Variants in FOXC1 observed in about 807,000 individuals in gnomAD.
The protein encoded by FOXC1 is forkhead box C1, also known as forkhead box protein C1.
FOXC1 carries 5 observed loss-of-function variants against 8.1 expected under a neutral mutation model. The observed-to-expected ratio is 0.62, with a 90% confidence interval of 0.32 to 1.30. The LOEUF is 1.30. Among genes scored for constraint, FOXC1 ranks in the 50% most tolerant of loss-of-function variants. The pLI, the probability that FOXC1 is intolerant of heterozygous loss-of-function variation, is 0.05. For synonymous variants in FOXC1, 552 were observed against 417.2 expected, an observed-to-expected ratio of 1.32 and a Z score of -3.94; for missense variants, 942 against 858.0, an observed-to-expected ratio of 1.10 and a Z score of -1.22.
Position 1,611,942 on chromosome 6 carries a change from CCAG to C in FOXC1, c.1504_1506del (p.Gln502del), listed in dbSNP as rs1760993368. 1 of 1,586,664 alleles carries C rather than the reference CCAG, an allele frequency of 6.3e-7. No individual in the cohort carries two copies. The highest frequency in any genetic ancestry group is 2.3e-5 in the East Asian group (1 of 43,836). ...CGGCGGCGGCCGCAGGCTACCCGGGCCAGCAGCAGAACTTCCACTCGGTGCGGG... is the reference window on the plus strand; with the variant it reads ...CGGCGGCGGCCGCAGGCTACCCGGGCCAGCAGAACTTCCACTCGGTGCGGG... On this transcript the variant is annotated inframe_deletion, in exon 1 of 1. Transcript: ENST00000645831. The surrounding 1 kb of genome is among the most constrained non-coding windows in gnomAD (Gnocchi z 7.1).
At position 1,610,349 on chromosome 6, in the gene FOXC1, C is replaced by T; in HGVS notation, c.-97C>T. ...CGCAGCGGGCCGGCACCAGCTCGGC[C>T]GGGCCCGGACTCGGACTCGGCGGCC... On this transcript the variant is annotated 5_prime_UTR_variant, in exon 1 of 1. Coordinates refer to ENST00000645831, the MANE Select transcript of FOXC1 (RefSeq NM_001453.3). 1 of 658,982 alleles carries T rather than the reference C, an allele frequency of 1.5e-6. No homozygotes were observed. Among genetic ancestry groups the T allele is most frequent in the Non-Finnish European group, 1.9e-6 (1 of 534,804 alleles). 40.8% of individuals were successfully genotyped at this position (658,982 alleles called of 1,614,324 possible).
At position 1,612,125 on chromosome 6, in the gene FOXC1, AC is replaced by A. The variant is rs1395644292; in HGVS notation, c.*19del. On this transcript the variant is annotated 3_prime_UTR_variant, in exon 1 of 1. Transcript: ENST00000645831. ...AGTTTTGACACACCCTCAAAGCCGA[AC>A]TAAATCGAACCCCAAAGCAGGAAAA... The A allele has an allele frequency of 6.2e-7, 1 of 1,613,816 alleles. No individual in the cohort carries two copies. The highest frequency in any genetic ancestry group is 2.2e-5 in the East Asian group (1 of 44,898).
chr6:1,611,635 T>C lies in FOXC1; in HGVS notation c.1190T>C (p.Leu397Pro), dbSNP rs1762552065. Residue 397 changes from leucine to proline, a missense_variant, in exon 1 of 1, where the codon CTG becomes CCG. Coordinates refer to ENST00000645831, the MANE Select transcript of FOXC1 (RefSeq NM_001453.3). This position sits in a 1 kb window ranked among gnomAD's most constrained non-coding sequence, Gnocchi z 7.1. ...GGCGCCGGGACCTACCACTGCAACCTGCAAGCCATGAGCCTGTACGCGGCC... is the reference window on the plus strand; with the variant it reads ...GGCGCCGGGACCTACCACTGCAACCCGCAAGCCATGAGCCTGTACGCGGCC... The part of the protein sequence containing the change: ...AGGAGTYHCN[L>P]QAMSLYAAGE... 6.8e-6 allele frequency: 9 copies of C among 1,315,118 alleles called. No homozygotes were observed. The highest frequency in any genetic ancestry group is 1.6e-5 in the African/African-American group (1 of 61,426). The allele number at this position is 1,315,118 out of a possible 1,614,324, so 81.5% of individuals were successfully genotyped here. A position where few individuals can be genotyped will look rare whatever the true frequency, so the allele number is the denominator to read the frequency against.
rs376935827 is a variant in FOXC1, at chr6:1,611,024, G to T, written c.579G>T (p.Glu193Asp). 1.9e-6 allele frequency: 3 copies of T among 1,567,598 alleles called. No homozygotes were observed. The African/African-American group carries it at 4.1e-5, about 21-fold the overall frequency. ...KEEKDRLHLKEPPPPGRQPPP... is the reference protein window; with the variant it reads ...KEEKDRLHLKDPPPPGRQPPP... ...AGAAGGACAGGCTGCACCTCAAGGA[G>T]CCGCCCCCGCCCGGCCGCCAGCCCC... is the stretch of plus-strand genomic sequence containing the variant. Residue 193 changes from glutamate (E) to aspartate (D), a missense_variant, in exon 1 of 1, where the codon GAG (glutamate) becomes GAT (aspartate). Physicochemically the swap from Glu to Asp is conservative, Grantham distance 45 (BLOSUM62 2). Coordinates refer to ENST00000645831, the MANE Select transcript of FOXC1 (RefSeq NM_001453.3). This position sits in a 1 kb window ranked among gnomAD's most constrained non-coding sequence, Gnocchi z 7.1.
In FOXC1 at chr6:1,610,425, G is replaced by A; in HGVS notation, c.-21G>A. On this transcript the variant is annotated 5_prime_UTR_variant, in exon 1 of 1. Coordinates refer to ENST00000645831, the MANE Select transcript of FOXC1 (RefSeq NM_001453.3). ...AGGGTGGGGGGCGGCGGGCGGCGCGGGGCGGCGGCGAGCGGGGGCCATGCA... is the reference window on the plus strand; with the variant it reads ...AGGGTGGGGGGCGGCGGGCGGCGCGAGGCGGCGGCGAGCGGGGGCCATGCA... 7.9e-7 allele frequency: 1 copy of A among 1,262,802 alleles called. No homozygotes were observed. Among genetic ancestry groups the A allele is most frequent in the Non-Finnish European group, 1.0e-6 (1 of 1,000,768 alleles). The allele number at this position is 1,262,802 out of a possible 1,614,324, so 78.2% of individuals were successfully genotyped here. A position where few individuals can be genotyped will look rare whatever the true frequency, so the allele number is the denominator to read the frequency against.
chr6:1,611,770 C>T lies in FOXC1; in HGVS notation c.1325C>T (p.Ser442Leu). Residue 442 changes from serine (S) to leucine (L), a missense_variant, in exon 1 of 1, where the codon TCG (serine) becomes TTG (leucine). Physicochemically the swap from Ser to Leu is moderately radical, Grantham distance 145. Transcript: ENST00000645831. This position sits in a 1 kb window ranked among gnomAD's most constrained non-coding sequence, Gnocchi z 7.1. ...SLPPVTSSSSSSLSHGGGGGG... is the reference protein window; with the variant it reads ...SLPPVTSSSSLSLSHGGGGGG... ...CCTCCGGTCACCAGCAGCAGCTCGT[C>T]GTCCCTGAGTCACGGCGGCGGCGGC... 3 of 1,470,998 alleles carry T rather than the reference C, an allele frequency of 2.0e-6. No individual in the cohort carries two copies. Among genetic ancestry groups the T allele is most frequent in the South Asian group, 1.3e-5 (1 of 76,852 alleles). The allele number at this position is 1,470,998 out of a possible 1,614,324, so 91.1% of individuals were successfully genotyped here.
Position 1,611,739 on chromosome 6 carries a change from T to C in FOXC1, c.1294T>C (p.Ser432Pro). 1 of 1,467,944 alleles carries C rather than the reference T, an allele frequency of 6.8e-7. No homozygotes were observed. The highest frequency in any genetic ancestry group is 9.0e-7 in the Non-Finnish European group (1 of 1,117,024). The allele number at this position is 1,467,944 out of a possible 1,614,324, so 90.9% of individuals were successfully genotyped here. A position where few individuals can be genotyped will look rare whatever the true frequency, so the allele number is the denominator to read the frequency against. The change falls in exon 1 of 1, where the codon TCT becomes CCT. Residue 432 changes from serine to proline, a missense_variant. By Grantham distance (74) the Ser-to-Pro change is moderately conservative. Around this residue, in one of 4 missense-constraint regions of FOXC1, gnomAD observed 726 missense variants for 599.6 expected, o/e 1.21. Coordinates refer to ENST00000645831, the MANE Select transcript of FOXC1 (RefSeq NM_001453.3). This position sits in a 1 kb window ranked among gnomAD's most constrained non-coding sequence, Gnocchi z 7.1. ...SAVDDPLPDY[S>P]LPPVTSSSSS... ...CGTGGACGACCCCCTGCCCGACTACTCTCTGCCTCCGGTCACCAGCAGCAG... is the reference window on the plus strand; with the variant it reads ...CGTGGACGACCCCCTGCCCGACTACCCTCTGCCTCCGGTCACCAGCAGCAG...
Position 1,611,675 on chromosome 6 carries a change from C to T in FOXC1, c.1230C>T (p.Gly410=), listed in dbSNP as rs1176446421. 37 of 1,407,078 alleles carry T rather than the reference C, an allele frequency of 2.6e-5. No individual in the cohort carries two copies. In the African/African-American group the frequency reaches 4.1e-4, roughly 16 times the overall value. 87.2% of individuals were successfully genotyped at this position (1,407,078 alleles called of 1,614,324 possible). A position where few individuals can be genotyped will look rare whatever the true frequency, so the allele number is the denominator to read the frequency against. The part of the protein sequence containing the change: ...MSLYAAGERG[G]HLQGAPGGAG... The stretch of plus-strand genomic sequence containing the variant: ...TGTACGCGGCCGGCGAGCGCGGGGG[C>T]CACTTGCAGGGCGCGCCCGGGGGCG... Residue 410 remains glycine, a synonymous_variant, in exon 1 of 1, where the codon GGC becomes GGT. Transcript: ENST00000645831. The surrounding 1 kb of genome is among the most constrained non-coding windows in gnomAD (Gnocchi z 7.1).
chr6:1,612,281 C>T lies in FOXC1; in HGVS notation c.*174C>T. On this transcript the variant is annotated 3_prime_UTR_variant, in exon 1 of 1. Transcript: ENST00000645831. The stretch of plus-strand genomic sequence containing the variant: ...AAAATTCAGCTCACCAGCACCAGCA[C>T]GAAGAAAACTCTATTTTCTTAACCG... The T allele has an allele frequency of 3.2e-6, 3 of 941,924 alleles. No homozygotes were observed. Among genetic ancestry groups the T allele is most frequent in the Non-Finnish European group, 4.8e-6 (3 of 624,028 alleles). 58.3% of individuals were successfully genotyped at this position (941,924 alleles called of 1,614,324 possible).
Position 1,612,491 on chromosome 6 carries a change from C to T in FOXC1, c.*384C>T. The T allele has an allele frequency of 2.5e-6, 1 of 402,868 alleles. No homozygotes were observed. Among genetic ancestry groups the T allele is most frequent in the East Asian group, 4.5e-5 (1 of 22,438 alleles). The allele number at this position is 402,868 out of a possible 1,614,324, so 25.0% of individuals were successfully genotyped here. A position where few individuals can be genotyped will look rare whatever the true frequency, so the allele number is the denominator to read the frequency against. ...CCGTCTCCCCTCTCTTGCCTTCTTC[C>T]TTGCCTCTCACCTGTAAGATATTAT... On this transcript the variant is annotated 3_prime_UTR_variant, in exon 1 of 1. Coordinates refer to ENST00000645831, the MANE Select transcript of FOXC1 (RefSeq NM_001453.3).
rs1404978886 is a variant in FOXC1, at chr6:1,610,025, C to CG, written c.-421_-420insG. On this transcript the variant is annotated 5_prime_UTR_variant, in exon 1 of 1. Transcript: ENST00000645831. ...GGCGGCCGGCGCGCGGCCCCCCCCC[C>CG]CCCCGCCCTGGTTATTTGGCCGCCT... 2 of 114,790 alleles carry CG rather than the reference C, an allele frequency of 1.7e-5. No homozygotes were observed. The highest frequency in any genetic ancestry group is 6.1e-5 in the African/African-American group (2 of 33,032). The allele number at this position is 114,790 out of a possible 1,614,324, so 7.1% of individuals were successfully genotyped here. A position where few individuals can be genotyped will look rare whatever the true frequency, so the allele number is the denominator to read the frequency against.
rs1208477626 is a variant in FOXC1 at position 1,611,458 on chromosome 6, C to G, written c.1013C>G (p.Ala338Gly). The change falls in exon 1 of 1, where the codon GCG becomes GGG. Residue 338 changes from alanine to glycine, a missense_variant. Physicochemically the swap from Ala to Gly is moderately conservative, Grantham distance 60. Coordinates refer to ENST00000645831, the MANE Select transcript of FOXC1 (RefSeq NM_001453.3). The surrounding 1 kb of genome is among the most constrained non-coding windows in gnomAD (Gnocchi z 7.1). Reference sequence around the variant, plus strand: ...TCCGGCCTTCTGGCCTCGGCGGCCGCGTCCTCGCGCGCGGGGATCGCACCC... The same window carrying G: ...TCCGGCCTTCTGGCCTCGGCGGCCGGGTCCTCGCGCGCGGGGATCGCACCC... Reference protein sequence around the residue: ...LSSGLLASAAASSRAGIAPPL... With the variant: ...LSSGLLASAAGSSRAGIAPPL... 3 of 1,384,786 alleles carry G rather than the reference C, an allele frequency of 2.2e-6. No homozygotes were observed. Among genetic ancestry groups the G allele is most frequent in the Non-Finnish European group, 1.9e-6 (2 of 1,068,028 alleles). The allele number at this position is 1,384,786 out of a possible 1,614,324, so 85.8% of individuals were successfully genotyped here.
In FOXC1 at chr6:1,610,374, C is replaced by T; in HGVS notation, c.-72C>T. The T allele has an allele frequency of 1.1e-6, 1 of 873,568 alleles. No homozygotes were observed. Among genetic ancestry groups the T allele is most frequent in the Non-Finnish European group, 1.4e-6 (1 of 729,548 alleles). 54.1% of individuals were successfully genotyped at this position (873,568 alleles called of 1,614,324 possible). A position where few individuals can be genotyped will look rare whatever the true frequency, so the allele number is the denominator to read the frequency against. On this transcript the variant is annotated 5_prime_UTR_variant, in exon 1 of 1. Coordinates refer to ENST00000645831, the MANE Select transcript of FOXC1 (RefSeq NM_001453.3). Reference sequence around the variant, plus strand: ...CGGGCCCGGACTCGGACTCGGCGGCCGGCGCGGCGCGGCCCGGCCCGAGCG... The same window carrying T: ...CGGGCCCGGACTCGGACTCGGCGGCTGGCGCGGCGCGGCCCGGCCCGAGCG...
At position 1,610,627 on chromosome 6, in the gene FOXC1, C is replaced by T. The variant is rs751162614; in HGVS notation, c.182C>T (p.Ala61Val). The T allele has an allele frequency of 5.0e-6, 8 of 1,611,952 alleles. No homozygotes were observed. In the Admixed American group the frequency reaches 6.7e-5, roughly 13 times the overall value. Residue 61 changes from alanine (A) to valine (V), a missense_variant, in exon 1 of 1, where the codon GCC becomes GTC. Physicochemically the swap from Ala to Val is moderately conservative, Grantham distance 64. Transcript: ENST00000645831. ...AHAEQYPGGM[A>V]RAYGPYTPQP... Reference sequence around the variant, plus strand: ...GCCGAGCAGTACCCGGGCGGCATGGCCCGCGCCTACGGGCCCTACACGCCG... The same window carrying T: ...GCCGAGCAGTACCCGGGCGGCATGGTCCGCGCCTACGGGCCCTACACGCCG...
At position 1,612,247 on chromosome 6, in the gene FOXC1, ATCCC is replaced by A; in HGVS notation, c.*144_*147del. 1 of 1,339,522 alleles carries A rather than the reference ATCCC, an allele frequency of 7.5e-7. No homozygotes were observed. Among genetic ancestry groups the A allele is most frequent in the Non-Finnish European group, 1.0e-6 (1 of 976,710 alleles). 83.0% of individuals were successfully genotyped at this position (1,339,522 alleles called of 1,614,324 possible). On this transcript the variant is annotated 3_prime_UTR_variant, in exon 1 of 1. Coordinates refer to ENST00000645831, the MANE Select transcript of FOXC1 (RefSeq NM_001453.3). ...TATTCACCACACCAGCGAACAGAAT[ATCCC>A]TCCAAAAATTCAGCTCACCAGCACC...
Position 1,611,344 on chromosome 6 carries a change from C to T in FOXC1, c.899C>T (p.Pro300Leu). 1.4e-6 allele frequency: 2 copies of T among 1,422,908 alleles called. No individual in the cohort carries two copies. Among genetic ancestry groups the T allele is most frequent in the Non-Finnish European group, 1.8e-6 (2 of 1,087,022 alleles). The allele number at this position is 1,422,908 out of a possible 1,614,324, so 88.1% of individuals were successfully genotyped here. The change falls in exon 1 of 1, where the codon CCG (proline) becomes CTG (leucine). Residue 300 changes from proline to leucine, a missense_variant. This residue lies in a region of FOXC1 where 726 missense variants were observed against 599.6 expected (regional missense o/e 1.21). Transcript: ENST00000645831. This position sits in a 1 kb window ranked among gnomAD's most constrained non-coding sequence, Gnocchi z 7.1. ...SAPPPPAPSA[P>L]PPHHSQGFSV... ...CCGCCGCCGCCCGCGCCCTCCGCCC[C>T]GCCGCCGCACCATAGCCAGGGCTTC... is the stretch of plus-strand genomic sequence containing the variant.
In FOXC1 at chr6:1,611,934, T is replaced by C. The variant is rs1762562520; in HGVS notation, c.1489T>C (p.Tyr497His). ...SAAAAAAAAG[Y>H]PGQQQNFHSV... ...GGCGGCGGCGGCGGCGGCCGCAGGC[T>C]ACCCGGGCCAGCAGCAGAACTTCCA... The change falls in exon 1 of 1, where the codon TAC (tyrosine) becomes CAC (histidine). Residue 497 changes from tyrosine to histidine, a missense_variant. Tyr to His is a moderately conservative substitution (Grantham distance 83). Transcript: ENST00000645831. The surrounding 1 kb of genome is among the most constrained non-coding windows in gnomAD (Gnocchi z 7.1). The C allele has an allele frequency of 6.3e-7, 1 of 1,576,210 alleles. No homozygotes were observed. Among genetic ancestry groups the C allele is most frequent in the Non-Finnish European group, 8.6e-7 (1 of 1,160,898 alleles).
chr6:1,610,440 G>T lies in FOXC1; in HGVS notation c.-6G>T. ...GGGCGGCGCGGGGCGGCGGCGAGCG[G>T]GGGCCATGCAGGCGCGCTACTCCGT... On this transcript the variant is annotated 5_prime_UTR_variant, in exon 1 of 1. Transcript: ENST00000645831. 1.5e-6 allele frequency: 2 copies of T among 1,302,538 alleles called. No individual in the cohort carries two copies. Among genetic ancestry groups the T allele is most frequent in the Middle Eastern group, 3.0e-4 (1 of 3,388 alleles). The allele number at this position is 1,302,538 out of a possible 1,614,324, so 80.7% of individuals were successfully genotyped here.
Position 1,611,879 on chromosome 6 carries a change from G to A in FOXC1, c.1434G>A (p.Ala478=). ...GRLTSWYLNQ[A]GGDLGHLASA... ...TCACCTCGTGGTACCTGAACCAGGC[G>A]GGCGGAGACCTGGGCCACTTGGCGA... is the stretch of plus-strand genomic sequence containing the variant. Residue 478 remains alanine, a synonymous_variant, in exon 1 of 1, where the codon GCG becomes GCA. Transcript: ENST00000645831. The surrounding 1 kb of genome is among the most constrained non-coding windows in gnomAD (Gnocchi z 7.1). 1.3e-6 allele frequency: 2 copies of A among 1,541,206 alleles called. No individual in the cohort carries two copies. The highest frequency in any genetic ancestry group is 1.4e-5 in the African/African-American group (1 of 71,336).
Sources: gnomAD v4.1 joint callset for allele counts on GRCh38, gnomAD v4.1.1 for gene constraint, gnomAD v4.1.1 regional missense constraint, Gnocchi (gnomAD v3.1) non-coding constraint, MANE v1.5 for transcripts, NCBI Gene and HGNC (gene_info 2026-07-23, HGNC 2026-07-21) for gene names.